Variants in IMMP2L observed in about 807,000 individuals in gnomAD.
IMMP2L encodes mitochondrial inner membrane protease subunit 2.
In IMMP2L, 18 loss-of-function variants were observed where a neutral mutation model predicts 19.3. The observed-to-expected ratio is 0.93, with a 90% CI of 0.64 to 1.38. IMMP2L has a LOEUF of 1.38. Ranked by LOEUF, IMMP2L falls within the 40% of genes most tolerant of loss-of-function variation. The probability of loss-of-function intolerance (pLI) is 0.00; values close to 1 mark genes in which losing one functional copy is unlikely to be tolerated. For synonymous variants in IMMP2L, 76 were observed against 73.0 expected (o/e 1.04, Z -0.21); for missense variants, 233 against 218.2 (o/e 1.07, Z -0.43).
intron 3 of IMMP2L, among the ~76,000 whole-genome samples, chr7:111,132,698 T>C (rs1801964407): frequency 6.6e-6 from 1 of 152,020 alleles, no homozygotes; most frequent in South Asian, 2.1e-4. Context: ...ATAGTTTAGA[T>C]GACAGGGATT....
At chr7:111,270,021 A>G (rs1818274933) in intron 3 of IMMP2L, among the ~76,000 whole-genome samples, 1 of 148,988 alleles carries the variant, frequency 6.7e-6, no homozygotes, top group African/African-American at 2.5e-5. Flanking sequence ...CCCTATTCCT[A>G]TTGTACCATC....
chr7:110,726,944 A>G (rs1795920979), intron 5 of IMMP2L, among the ~76,000 whole-genome samples: 1 of 152,220 alleles, frequency 6.6e-6, no homozygotes, highest in East Asian at 1.9e-4. Flanking sequence ...CATGTCAAAG[A>G]AGATCATCTG....
chr7:110,963,105 G>C, intron 4 of IMMP2L: 1 of 1,515,668 alleles, frequency 6.6e-7, no homozygotes. Flanking sequence ...GAGTACAAAA[G>C]AGTCCTCTTA....
intron 5 of IMMP2L, among the ~76,000 whole-genome samples, chr7:110,681,289 T>C (rs1792696850): frequency 6.6e-6 from 1 of 152,080 alleles, no homozygotes; most frequent in Non-Finnish European, 1.5e-5. Context: ...TACCGATCAG[T>C]GAAATGAGGT....
intron 5 of IMMP2L, among the ~76,000 whole-genome samples, chr7:110,838,919 T>C (rs145541899): frequency 1.0e-3 from 154 of 152,186 alleles, no homozygotes; most frequent in African/African-American, 3.6e-3. Flanking sequence ...TAGCCTTAAA[T>C]GTTTTAAGAT....
At chr7:111,187,482 T>A (rs1417715551) in intron 3 of IMMP2L, among the ~76,000 whole-genome samples, 4 of 152,160 alleles carry the variant, frequency 2.6e-5, no homozygotes, top group African/African-American at 7.2e-5. Flanking sequence ...TCAAACATAG[T>A]ATTGTAACGA....
chr7:111,276,868 A>G (rs1468985738), intron 3 of IMMP2L, among the ~76,000 whole-genome samples: 1 of 152,160 alleles, frequency 6.6e-6, no homozygotes, highest in Non-Finnish European at 1.5e-5. Context: ...CACTGGGGAA[A>G]ATGCCACCTT....
intron 2 of IMMP2L, among the ~76,000 whole-genome samples, chr7:111,501,588 C>T (rs1317776435): frequency 6.6e-6 from 1 of 152,096 alleles, no homozygotes; most frequent in East Asian, 1.9e-4. Flanking sequence ...GTCGGGTTAC[C>T]CACAAAGGGA....
At chr7:111,270,625 C>T (rs1464326777) in intron 3 of IMMP2L, among the ~76,000 whole-genome samples, 1 of 152,030 alleles carries the variant, frequency 6.6e-6, no homozygotes, top group Admixed American at 6.6e-5. Context: ...AAAGGCTTAC[C>T]AAATAGCATC....
rs189284355 is a variant in IMMP2L, at chr7:111,531,097, G to A, written c.-2-9648C>T. Reference sequence around the variant, plus strand: ...CTCCAGAGTAGCTGGGACTACAGGCGCCCACCACCACGCCCGGCTAATTTT... The same window carrying A: ...CTCCAGAGTAGCTGGGACTACAGGCACCCACCACCACGCCCGGCTAATTTT... On this transcript the variant is annotated intron_variant, in intron 1 of 5. Transcript: ENST00000405709. Among the ~76,000 whole-genome samples, 240 of 151,646 alleles carry A rather than the reference G, an allele frequency of 1.6e-3. 1 individual carries two copies. Among genetic ancestry groups the A allele is most frequent in the African/African-American group, 5.5e-3 (228 of 41,380 alleles).
intron 3 of IMMP2L, among the ~76,000 whole-genome samples, chr7:111,362,809 A>T (rs1829386757): frequency 6.6e-6 from 1 of 152,140 alleles, no homozygotes; most frequent in Non-Finnish European, 1.5e-5. Flanking sequence ...GGAGAAGTGT[A>T]CAATGAGAAG....
intron 3 of IMMP2L, among the ~76,000 whole-genome samples, chr7:111,476,797 C>G (rs889585353): frequency 6.6e-6 from 1 of 152,162 alleles, no homozygotes; most frequent in Non-Finnish European, 1.5e-5. Context: ...TTGCATCCTT[C>G]TTGTCCTTTG....
intron 3 of IMMP2L, among the ~76,000 whole-genome samples, chr7:111,341,090 G>A (rs1826964631): frequency 6.6e-6 from 1 of 152,050 alleles, no homozygotes; most frequent in Non-Finnish European, 1.5e-5. Flanking sequence ...TTAAGTATAT[G>A]TTAGAATTTT....
chr7:110,782,266 A>G (rs970693109), intron 5 of IMMP2L, among the ~76,000 whole-genome samples: 6 of 151,998 alleles, frequency 3.9e-5, no homozygotes, highest in African/African-American at 1.4e-4. Context: ...CAATCCTCAG[A>G]AAGACTATCA....
intron 3 of IMMP2L, among the ~76,000 whole-genome samples, chr7:111,154,610 G>A (rs1377218618): frequency 1.3e-5 from 2 of 152,190 alleles, no homozygotes; most frequent in African/African-American, 4.8e-5. Context: ...TACTTGGAAT[G>A]TAAGAGCCTC....
chr7:111,222,547 T>C (rs987261576), intron 3 of IMMP2L, among the ~76,000 whole-genome samples: 2 of 151,350 alleles, frequency 1.3e-5, no homozygotes, highest in African/African-American at 2.4e-5. Context: ...AGAGGGAAAA[T>C]AGTCAATATG....
intron 3 of IMMP2L, among the ~76,000 whole-genome samples, chr7:111,439,315 C>T (rs1026227610): frequency 1.6e-4 from 25 of 151,712 alleles, no homozygotes; most frequent in African/African-American, 5.8e-4. Flanking sequence ...GCTCTCATAC[C>T]TTCTCAAAGC....
intron 3 of IMMP2L, among the ~76,000 whole-genome samples, chr7:111,465,054 C>T (rs1216676212): frequency 6.6e-6 from 1 of 152,118 alleles, no homozygotes; most frequent in African/African-American, 2.4e-5. Context: ...CTTGGCCTCC[C>T]AAAGTGCTGG....
At chr7:110,702,691 T>G (rs1192414086) in intron 5 of IMMP2L, among the ~76,000 whole-genome samples, 1 of 152,196 alleles carries the variant, frequency 6.6e-6, no homozygotes, top group Non-Finnish European at 1.5e-5. Context: ...ATAATATGAT[T>G]TAACATTTTC....
Sources: allele counts gnomAD v4.1 joint callset (sites outside exome capture counted in the v4.1 genomes callset), GRCh38; gene constraint gnomAD v4.1.1; transcripts MANE v1.5; gene names NCBI Gene and HGNC (gene_info 2026-07-23, HGNC 2026-07-21).